Variants in RRM2 observed in about 807,000 individuals in gnomAD.
RRM2 encodes ribonucleoside-diphosphate reductase subunit M2.
In RRM2, 6 loss-of-function variants were observed where a neutral mutation model predicts 45.9. The ratio of observed to expected loss-of-function variants is 0.13; its 90% CI spans 0.07 to 0.26. The LOEUF (loss-of-function observed/expected upper bound fraction) is 0.26. RRM2 is among the 10% of genes least tolerant of loss of function. The probability of loss-of-function intolerance (pLI) is 1.00; values close to 1 mark genes in which losing one functional copy is unlikely to be tolerated. For missense variants in RRM2, 343 were observed against 489.5 expected, an observed-to-expected ratio of 0.70 and a Z score of 2.82; for synonymous variants, 177 against 173.0, an observed-to-expected ratio of 1.02 and a Z score of -0.18.
chr2:10,146,766 C>T (rs1391373424), intron 3 of RRM2, among the ~76,000 whole-genome samples: 1 of 152,224 alleles, frequency 6.6e-6, no homozygotes, highest in Admixed American at 6.5e-5. Flanking sequence ...AGTGCAAGGG[C>T]AGCGACCCCC....
At chr2:10,135,438 T>C (rs988716635), downstream of RRM2, among the ~76,000 whole-genome samples, 1 of 152,004 alleles carries the variant, frequency 6.6e-6, no homozygotes, top group Admixed American at 6.6e-5. Context: ...ACTGGAGGCA[T>C]AGCACCAGAA....
intron 3 of RRM2, among the ~76,000 whole-genome samples, chr2:10,147,013 C>T (rs1186489051): frequency 2.0e-5 from 3 of 151,946 alleles, no homozygotes; most frequent in South Asian, 2.1e-4. Context: ...AGCGCAGTGG[C>T]GTGATCTTGG....
intron 3 of RRM2, among the ~76,000 whole-genome samples, chr2:10,179,760 C>A (rs538999441): frequency 6.6e-6 from 1 of 152,260 alleles, no homozygotes; most frequent in African/African-American, 2.4e-5. Context: ...ATCATAAAGT[C>A]AAAAAATCCT....
rs115185266 is a variant in RRM2, at chr2:10,193,078, C to T, written n.483-17233C>T. ...TACAGGAGCTCTGCAGAGGCCCTTC[C>T]GCTGCAGAAGAGCTTAGGTGACAAG... On this transcript the variant is annotated intron_variant and non_coding_transcript_variant, in intron 3 of 3. Transcript: ENST00000381786. Among the ~76,000 whole-genome samples, 1,502 of 152,268 alleles carry T rather than the reference C, an allele frequency of 9.9e-3. 29 individuals carry two copies. The highest frequency in any genetic ancestry group is 0.034 in the African/African-American group (1,431 of 41,558).
intron 5 of RRM2, among the ~76,000 whole-genome samples, 189 bp downstream of exon 5, chr2:10,125,039 G>A (rs1175580752): frequency 1.3e-5 from 2 of 152,194 alleles, no homozygotes; most frequent in African/African-American, 4.8e-5. Flanking sequence ...ACTTAGAGTT[G>A]TGAAGGTACT....
In RRM2 at chr2:10,195,210, A is replaced by G. The variant is rs934027695; in HGVS notation, n.483-15101A>G. On this transcript the variant is annotated intron_variant and non_coding_transcript_variant, in intron 3 of 3. Transcript: ENST00000381786. The surrounding 1 kb of genome is among the most constrained non-coding windows in gnomAD (Gnocchi z 4.9). ...GACCCACCGTCTGAGGGGTCATGTG[A>G]CAGGTGGGCTAGGTGGGCACAGAAT... 6.6e-5 allele frequency among the ~76,000 whole-genome samples: 10 copies of G among 152,162 alleles called. No individual in the cohort carries two copies. The highest frequency in any genetic ancestry group is 4.4e-5 in the Non-Finnish European group (3 of 68,022).
intron 3 of RRM2, among the ~76,000 whole-genome samples, chr2:10,203,038 G>A (rs958782256): frequency 6.6e-6 from 1 of 152,210 alleles, no homozygotes; most frequent in Admixed American, 6.5e-5. Flanking sequence ...TGGCCAAAAG[G>A]CCAGCGAGGG....
At chr2:10,139,803 C>T (rs539566539), upstream of RRM2, among the ~76,000 whole-genome samples, 1 of 152,342 alleles carries the variant, frequency 6.6e-6, no homozygotes, top group South Asian at 2.1e-4. Context: ...CCTCAGTTCC[C>T]ACCCTCCTCC....
chr2:10,166,110 C>T (rs112687059), intron 3 of RRM2, among the ~76,000 whole-genome samples: 3,356 of 152,304 alleles, frequency 0.022, 136 homozygotes, highest in African/African-American at 0.077. Flanking sequence ...TTGGTGAGGG[C>T]AGCGTGGAGG....
At chr2:10,140,640 T>A (rs140987971), upstream of RRM2, among the ~76,000 whole-genome samples, 3 of 152,286 alleles carry the variant, frequency 2.0e-5, no homozygotes, top group African/African-American at 7.2e-5. Context: ...CAGGGAAAGC[T>A]GTTTACAGGA....
upstream of RRM2, among the ~76,000 whole-genome samples, chr2:10,140,559 C>T (rs751444898): frequency 2.6e-5 from 4 of 152,146 alleles, no homozygotes; most frequent in Non-Finnish European, 5.9e-5. Context: ...GGTGCCTGCT[C>T]AGAGAGCCGG....
chr2:10,141,765 A>C (rs1663083817), intron 1 of RRM2: 15 of 1,386,488 alleles, frequency 1.1e-5, no homozygotes, highest in Non-Finnish European at 1.4e-5. Context: ...GAGCCCCAGG[A>C]GGTGGCCATG....
In RRM2 at chr2:10,127,328, T is replaced by G; in HGVS notation, c.798+108T>G. 4.5e-6 allele frequency: 5 copies of G among 1,120,042 alleles called. No individual in the cohort carries two copies. Among genetic ancestry groups the G allele is most frequent in the Non-Finnish European group, 6.4e-6 (5 of 784,730 alleles). The allele number at this position is 1,120,042 out of a possible 1,614,324, so 69.4% of individuals were successfully genotyped here. A position where few individuals can be genotyped will look rare whatever the true frequency, so the allele number is the denominator to read the frequency against. On this transcript the variant is annotated intron_variant, in intron 7 of 9. Transcript: ENST00000304567. The surrounding 1 kb of genome is among the most constrained non-coding windows in gnomAD (Gnocchi z 4.1). ...GATGCTAGATGGCATATATCCACAT[T>G]TAATGTGTGAGTTCAACCATACACA...
chr2:10,139,283 C>G (rs1663040476), upstream of RRM2, among the ~76,000 whole-genome samples: 1 of 152,234 alleles, frequency 6.6e-6, no homozygotes, highest in Admixed American at 6.5e-5. Context: ...CTGGTTTGAT[C>G]TGGCACTTCT....
At chr2:10,186,386 A>G (rs1387957232) in intron 3 of RRM2, among the ~76,000 whole-genome samples, 1 of 149,712 alleles carries the variant, frequency 6.7e-6, no homozygotes, top group Non-Finnish European at 1.5e-5. Flanking sequence ...CGATTTCCTG[A>G]CCTCGTGATC....
At chr2:10,136,975 G>T (rs1476483435), upstream of RRM2, among the ~76,000 whole-genome samples, 2 of 152,184 alleles carry the variant, frequency 1.3e-5, no homozygotes, top group Admixed American at 1.3e-4. Context: ...CTACAGAGAG[G>T]CTGAAGCCTC....
At chr2:10,191,451 G>A (rs575981322) in intron 3 of RRM2, among the ~76,000 whole-genome samples, 17 of 152,238 alleles carry the variant, frequency 1.1e-4, no homozygotes, top group African/African-American at 4.1e-4. Flanking sequence ...CTTGGGAGGC[G>A]CAGGTGGCAG....
At chr2:10,149,436 A>G (rs1412685489) in intron 3 of RRM2, among the ~76,000 whole-genome samples, 1 of 152,132 alleles carries the variant, frequency 6.6e-6, no homozygotes, top group Non-Finnish European at 1.5e-5. Flanking sequence ...GCCCTGCTTT[A>G]TTAATTTTTG....
chr2:10,205,096 T>C lies in RRM2; in HGVS notation n.483-5215T>C, dbSNP rs1664637710. ...CCAGCTCCCTAAGCCTTCTTTGTCC[T>C]TACCGTCTCTTCAGAATCTGTCTGC... On this transcript the variant is annotated intron_variant and non_coding_transcript_variant, in intron 3 of 3. Coordinates refer to the RRM2 transcript ENST00000381786. This position sits in a 1 kb window ranked among gnomAD's most constrained non-coding sequence, Gnocchi z 4.8. Among the ~76,000 whole-genome samples, 1 of 152,254 alleles carries C rather than the reference T, an allele frequency of 6.6e-6. No homozygotes were observed. The highest frequency in any genetic ancestry group is 2.1e-4 in the South Asian group (1 of 4,836).
Sources: gnomAD v4.1 joint callset for allele counts (sites outside exome capture counted in the v4.1 genomes callset) on GRCh38, gnomAD v4.1.1 for gene constraint, Gnocchi (gnomAD v3.1) non-coding constraint, MANE v1.5 for transcripts, NCBI Gene and HGNC (gene_info 2026-07-23, HGNC 2026-07-21) for gene names.